TSPAN7: variants seen among roughly 807,000 people sequenced by gnomAD.
TSPAN7 encodes the protein tetraspanin 7.
TSPAN7 carries 1 observed loss-of-function variant against 17.6 expected under a neutral mutation model. The observed-to-expected ratio is 0.06, with a 90% confidence interval of 0.02 to 0.27. The LOEUF is 0.27. Ranked by LOEUF, TSPAN7 falls within the 10% of genes least tolerant of loss-of-function variation. The pLI is 1.00. For synonymous variants in TSPAN7, 78 were observed against 79.0 expected (o/e 0.99, Z 0.07); for missense variants, 112 against 201.7 (o/e 0.56, Z 2.69).
At chrX:38,595,608 T>G (rs781293139) in intron 1 of TSPAN7, among the ~76,000 whole-genome samples, 1 of 112,192 alleles carries the variant, frequency 8.9e-6, no homozygotes, top group Admixed American at 9.4e-5. Flanking sequence ...TGGTACCATG[T>G]GTACTGAAAT....
intron 1 of TSPAN7, among the ~76,000 whole-genome samples, chrX:38,628,327 G>A (rs769721259): frequency 4.5e-5 from 5 of 111,822 alleles, no homozygotes; most frequent in Non-Finnish European, 9.4e-5. Flanking sequence ...GAAAGACTTT[G>A]GCAAATATGT....
chrX:38,674,716 G>A (rs2069842158), intron 4 of TSPAN7, among the ~76,000 whole-genome samples: 2 of 111,252 alleles, frequency 1.8e-5, no homozygotes, highest in Admixed American at 9.6e-5. Flanking sequence ...CACTGGCTGG[G>A]GCAGTGGAGT....
intron 1 of TSPAN7, among the ~76,000 whole-genome samples, chrX:38,570,099 C>T (rs2069162478): frequency 9.0e-6 from 1 of 111,704 alleles, no homozygotes; most frequent in Admixed American, 9.5e-5. Flanking sequence ...TTCTGCCCCT[C>T]TTATTTCTTC....
chrX:38,675,052 T>G (rs1297596224), intron 4 of TSPAN7, among the ~76,000 whole-genome samples: 2 of 112,452 alleles, frequency 1.8e-5, no homozygotes, highest in African/African-American at 6.5e-5. Context: ...CCCCGTTTGC[T>G]TTAATATTCT....
intron 5 of TSPAN7, 131 bp downstream of exon 5, chrX:38,675,991 T>C: frequency 2.3e-6 from 2 of 867,875 alleles, no homozygotes; most frequent in East Asian, 3.4e-5. Flanking sequence ...TTGTGGTTCC[T>C]TGATTGCCTG....
At chrX:38,663,650 G>T (rs1171779117) in intron 1 of TSPAN7, among the ~76,000 whole-genome samples, 1 of 111,956 alleles carries the variant, frequency 8.9e-6, no homozygotes, top group South Asian at 3.7e-4. Flanking sequence ...ATGAGGAGAG[G>T]GTTCATATAC....
intron 1 of TSPAN7, among the ~76,000 whole-genome samples, chrX:38,617,064 C>A (rs965001579): frequency 1.8e-5 from 2 of 111,732 alleles, no homozygotes; most frequent in African/African-American, 6.5e-5. Flanking sequence ...TACTCCACTG[C>A]GGCTCAAAAG....
At chrX:38,562,142 G>T (rs1335910660) in intron 1 of TSPAN7, among the ~76,000 whole-genome samples, 2 of 111,626 alleles carry the variant, frequency 1.8e-5, no homozygotes. Context: ...CAGAAGCACC[G>T]TGCCTGCCTG....
intron 5 of TSPAN7, 108 bp downstream of exon 5, chrX:38,675,968 A>G: frequency 1.0e-6 from 1 of 983,127 alleles, no homozygotes; most frequent in Non-Finnish European, 1.4e-6. Flanking sequence ...GTCAAGGGAA[A>G]GAGAATCTTA....
intron 1 of TSPAN7, chrX:38,623,123 G>A (rs1006851511): frequency 9.2e-6 from 3 of 326,031 alleles, no homozygotes; most frequent in African/African-American, 8.0e-5. Context: ...AAGTTGTGGA[G>A]ATCCAAGAGA....
intron 1 of TSPAN7, among the ~76,000 whole-genome samples, chrX:38,567,840 A>G (rs2069151373): frequency 9.0e-6 from 1 of 111,454 alleles, no homozygotes; most frequent in Non-Finnish European, 1.9e-5. Flanking sequence ...ATTGTAGTAG[A>G]CCCTAATATA....
At chrX:38,651,658 G>A (rs1248210934) in intron 1 of TSPAN7, among the ~76,000 whole-genome samples, 1 of 112,114 alleles carries the variant, frequency 8.9e-6, no homozygotes, top group Non-Finnish European at 1.9e-5. Context: ...AGCCCTGCAT[G>A]TATCCTGCAG....
chrX:38,574,627 A>G (rs1205539609), intron 1 of TSPAN7, among the ~76,000 whole-genome samples: 2 of 111,657 alleles, frequency 1.8e-5, no homozygotes, highest in African/African-American at 6.5e-5. Flanking sequence ...TATCATAAAA[A>G]TATCAGTTTT....
intron 1 of TSPAN7, among the ~76,000 whole-genome samples, chrX:38,653,358 C>T (rs944434896): frequency 5.4e-5 from 6 of 111,425 alleles, no homozygotes; most frequent in African/African-American, 2.0e-4. Flanking sequence ...TGACTCAGCC[C>T]ATCACTTTTG....
chrX:38,604,126 G>A (rs1420206084), intron 1 of TSPAN7, among the ~76,000 whole-genome samples: 2 of 98,314 alleles, frequency 2.0e-5, no homozygotes, highest in East Asian at 3.4e-4. Flanking sequence ...TGCGGTGTTT[G>A]GTTTTTTGTT....
intron 1 of TSPAN7, among the ~76,000 whole-genome samples, chrX:38,564,988 CT>C (rs201353137): frequency 0.079 from 8,639 of 109,041 alleles, 683 homozygotes; most frequent in African/African-American, 0.24. Flanking sequence ...CCTATTTTTT[CT>C]TTTTTTTTGT....
At chrX:38,657,195 A>G (rs2069709887) in intron 1 of TSPAN7, among the ~76,000 whole-genome samples, 4 of 111,487 alleles carry the variant, frequency 3.6e-5, no homozygotes. Context: ...CTATTTGTTG[A>G]ATAATGGAAT....
intron 7 of TSPAN7, 126 bp from the exon 8 acceptor site, chrX:38,687,813 C>T (rs1281758666): frequency 1.1e-5 from 5 of 437,986 alleles, no homozygotes; most frequent in East Asian, 4.2e-5. Flanking sequence ...AATCTCATTT[C>T]TGTGGTTCTG....
chrX:38,612,838 A>G (rs1405675093), intron 1 of TSPAN7, among the ~76,000 whole-genome samples: 1 of 111,456 alleles, frequency 9.0e-6, no homozygotes, highest in African/African-American at 3.3e-5. Context: ...TCCTGACAGG[A>G]TACTTAGGAC....
Sources: gnomAD v4.1 joint callset for allele counts (sites outside exome capture counted in the v4.1 genomes callset) on GRCh38, gnomAD v4.1.1 for gene constraint, MANE v1.5 for transcripts, NCBI Gene and HGNC (gene_info 2026-07-23, HGNC 2026-07-21) for gene names.